Variants in LRP8 observed in about 807,000 individuals in gnomAD.
The protein encoded by LRP8 is LDL receptor related protein 8, also known as low-density lipoprotein receptor-related protein 8.
LRP8 carries 46 observed loss-of-function variants against 111.6 expected under a neutral mutation model. That is an observed-to-expected ratio of 0.41 (90% confidence interval 0.33 to 0.53). The LOEUF (loss-of-function observed/expected upper bound fraction) is 0.53, where lower values mean the gene tolerates loss of function less well. Ranked by LOEUF, LRP8 falls within the 20% of genes least tolerant of loss-of-function variation. The probability of loss-of-function intolerance (pLI) is 0.20; values close to 1 mark genes in which losing one functional copy is unlikely to be tolerated. For synonymous variants in LRP8, 464 were observed against 511.2 expected, an observed-to-expected ratio of 0.91 and a Z score of 1.24; for missense variants, 959 against 1,297.4, an observed-to-expected ratio of 0.74 and a Z score of 4.01.
chr1:53,259,571 A>G (rs781471617), intron 13 of LRP8, among the ~76,000 whole-genome samples: 2 of 149,888 alleles, frequency 1.3e-5, no homozygotes, highest in African/African-American at 2.5e-5. Context: ...CGTCAAACCT[A>G]TACTCTAGGA....
At chr1:53,271,187 A>G in intron 7 of LRP8, 34 bp from the exon 8 acceptor site, 1 of 1,613,858 alleles carries the variant, frequency 6.2e-7, no homozygotes, top group East Asian at 2.2e-5. Context: ...AACCAGCAGG[A>G]GGATCTGCTT....
At chr1:53,296,329 G>A (rs1285367916) in intron 2 of LRP8, among the ~76,000 whole-genome samples, 2 of 152,222 alleles carry the variant, frequency 1.3e-5, no homozygotes, top group Non-Finnish European at 2.9e-5. Flanking sequence ...GGGCAGTTGA[G>A]AGGCTGAGAG....
chr1:53,260,648 AT>A (rs769542034), intron 12 of LRP8, 43 bp from the exon 13 acceptor site: 4 of 1,599,472 alleles, frequency 2.5e-6, no homozygotes, highest in Non-Finnish European at 3.4e-6. Flanking sequence ...TGGAGTGTAA[AT>A]CCATGACCTC....
rs1211160638 is a variant in LRP8 at position 53,266,825 on chromosome 1, T to A, written c.1253-178A>T. 1.7e-6 allele frequency: 1 copy of A among 598,724 alleles called. No individual in the cohort carries two copies. Among genetic ancestry groups the A allele is most frequent in the African/African-American group, 1.9e-5 (1 of 53,994 alleles). 37.1% of individuals were successfully genotyped at this position (598,724 alleles called of 1,614,324 possible). ...AATAATGAGTACAGAAAGCAGAAGA[T>A]GCAGAGCACCACGCATAGCAGGAAG... On this transcript the variant is annotated intron_variant, in intron 8 of 18. Transcript: ENST00000306052. The surrounding 1 kb of genome is among the most constrained non-coding windows in gnomAD (Gnocchi z 5.0).
At position 53,264,308 on chromosome 1, in the gene LRP8, A is replaced by C; in HGVS notation, c.1516T>G (p.Trp506Gly). Residue 506 changes from tryptophan (W) to glycine (G), a missense_variant, in exon 10 of 19, where the codon TGG (tryptophan) becomes GGG (glycine). By Grantham distance (184) the Trp-to-Gly change is radical. This residue lies in a region of LRP8 where 819 missense variants were observed against 1,097.6 expected (regional missense o/e 0.75). Coordinates refer to ENST00000306052, the MANE Select transcript of LRP8 (RefSeq NM_004631.5). ...LHSPEGLAVD[W>G]VHKHIYWTDS... is the part of the protein sequence containing the mutation. Reference sequence around the variant, plus strand: ...GTCCAGTAGATGTGCTTGTGGACCCAGTCCACTGCCAGGCCCTCTGGAGAG... The same window carrying C: ...GTCCAGTAGATGTGCTTGTGGACCCCGTCCACTGCCAGGCCCTCTGGAGAG... The C allele has an allele frequency of 6.2e-7, 1 of 1,614,156 alleles. No homozygotes were observed. Among genetic ancestry groups the C allele is most frequent in the Non-Finnish European group, 8.5e-7 (1 of 1,180,000 alleles).
chr1:53,295,694 C>G (rs1649578343), intron 2 of LRP8, among the ~76,000 whole-genome samples: 4 of 152,184 alleles, frequency 2.6e-5, no homozygotes, highest in Admixed American at 6.5e-5. Flanking sequence ...CTTGGAGATG[C>G]ATGATGCCCA....
chr1:53,310,984 G>C (rs539806748), intron 2 of LRP8, among the ~76,000 whole-genome samples: 1 of 152,188 alleles, frequency 6.6e-6, no homozygotes, highest in Non-Finnish European at 1.5e-5. Flanking sequence ...ACATGCTTCA[G>C]AGCCCGGAGG....
At chr1:53,312,656 G>A (rs890822523) in intron 2 of LRP8, among the ~76,000 whole-genome samples, 1 of 152,002 alleles carries the variant, frequency 6.6e-6, no homozygotes, top group African/African-American at 2.4e-5. Flanking sequence ...ACTGTGCCTG[G>A]CCTTTTTCTT....
Position 53,275,642 on chromosome 1 carries a change from C to T in LRP8, c.995G>A (p.Gly332Asp), listed in dbSNP as rs1646893986. ...CTGACCACACGCACCCTGTAGGCAG[C>T]CAGCTTCATCACTCCCATCTGGACA... ...QDCPDGSDEA[G>D]CLQGLNECLH... The change falls in exon 6 of 19, where the codon GGC (glycine) becomes GAC (aspartate). Residue 332 changes from glycine to aspartate, a missense_variant. This residue lies in a region of LRP8 where 819 missense variants were observed against 1,097.6 expected (regional missense o/e 0.75). Coordinates refer to ENST00000306052, the MANE Select transcript of LRP8 (RefSeq NM_004631.5). The surrounding 1 kb of genome is among the most constrained non-coding windows in gnomAD (Gnocchi z 4.4). 4 of 1,613,976 alleles carry T rather than the reference C, an allele frequency of 2.5e-6. No individual in the cohort carries two copies. In the East Asian group the frequency reaches 8.9e-5, roughly 36 times the overall value.
At chr1:53,324,062 A>C (rs1471931294) in intron 2 of LRP8, among the ~76,000 whole-genome samples, 2 of 152,098 alleles carry the variant, frequency 1.3e-5, no homozygotes, top group Admixed American at 1.3e-4. Context: ...AGGCCCAGAG[A>C]TGTACAAAGG....
chr1:53,302,818 T>C (rs1651200228), intron 2 of LRP8, among the ~76,000 whole-genome samples: 2 of 150,572 alleles, frequency 1.3e-5, no homozygotes, highest in Admixed American at 1.3e-4. Context: ...GCTTCCCAAG[T>C]AGCTGGGACT....
intron 6 of LRP8, among the ~76,000 whole-genome samples, chr1:53,274,095 A>G (rs1027857570): frequency 1.6e-4 from 25 of 152,120 alleles, no homozygotes; most frequent in African/African-American, 5.8e-4. Context: ...ACCCACCCTG[A>G]CAGCTGTAGC....
chr1:53,312,664 CTT>C (rs1353275616), intron 2 of LRP8, among the ~76,000 whole-genome samples: 1 of 151,932 alleles, frequency 6.6e-6, no homozygotes, highest in African/African-American at 2.4e-5. Flanking sequence ...TGGCCTTTTT[CTT>C]TGTTTTTAAT....
chr1:53,314,497 G>A (rs1384233537), intron 2 of LRP8, among the ~76,000 whole-genome samples: 1 of 152,230 alleles, frequency 6.6e-6, no homozygotes, highest in East Asian at 1.9e-4. Context: ...CAGGTAGGAA[G>A]GGACATGGGG....
At chr1:53,257,887 G>C (rs1646162235) in intron 14 of LRP8, 1 of 234,476 alleles carries the variant, frequency 4.3e-6, no homozygotes, top group Non-Finnish European at 8.4e-6. Flanking sequence ...ATTAGGACAT[G>C]AATCTGTGTA....
At chr1:53,320,017 G>A (rs531479597) in intron 2 of LRP8, among the ~76,000 whole-genome samples, 5 of 152,392 alleles carry the variant, frequency 3.3e-5, no homozygotes, top group Non-Finnish European at 7.3e-5. Context: ...GGGGCCACCC[G>A]GGGCAAGTGA....
intron 2 of LRP8, among the ~76,000 whole-genome samples, chr1:53,308,921 C>T (rs1014651466): frequency 2.6e-5 from 4 of 152,240 alleles, no homozygotes; most frequent in Non-Finnish European, 5.9e-5. Context: ...CCCCACCTCT[C>T]TGTGCCTCAC....
In LRP8 at chr1:53,264,267, C is replaced by G; in HGVS notation, c.1557G>C (p.Lys519Asn). The change falls in exon 10 of 19, where the codon AAG (lysine) becomes AAC (asparagine). Residue 519 changes from lysine to asparagine, a missense_variant. This residue lies in a region of LRP8 where 819 missense variants were observed against 1,097.6 expected (regional missense o/e 0.75). Coordinates refer to ENST00000306052, the MANE Select transcript of LRP8 (RefSeq NM_004631.5). The part of the protein sequence containing the change: ...KHIYWTDSGN[K>N]TISVATVDGG... ...CATCAACTGTGGCCACTGAGATGGTCTTATTGCCCGAGTCAGTCCAGTAGA... is the reference window on the plus strand; with the variant it reads ...CATCAACTGTGGCCACTGAGATGGTGTTATTGCCCGAGTCAGTCCAGTAGA... 6.2e-7 allele frequency: 1 copy of G among 1,614,168 alleles called. No homozygotes were observed. Among genetic ancestry groups the G allele is most frequent in the Non-Finnish European group, 8.5e-7 (1 of 1,180,020 alleles).
intron 6 of LRP8, chr1:53,272,613 T>G (rs1290282125): frequency 1.6e-6 from 2 of 1,289,730 alleles, no homozygotes; most frequent in Admixed American, 2.3e-5. Flanking sequence ...CCCCTGGGCC[T>G]CCTCCTGTTT....
Sources: gnomAD v4.1 joint callset for allele counts (sites outside exome capture counted in the v4.1 genomes callset) on GRCh38, gnomAD v4.1.1 for gene constraint, gnomAD v4.1.1 regional missense constraint, Gnocchi (gnomAD v3.1) non-coding constraint, MANE v1.5 for transcripts, NCBI Gene and HGNC (gene_info 2026-07-23, HGNC 2026-07-21) for gene names.